Variants in SLC28A1 observed in about 807,000 individuals in gnomAD.
SLC28A1 encodes the protein sodium/nucleoside cotransporter 1.
SLC28A1 carries 64 observed loss-of-function variants against 74.8 expected under a neutral mutation model. The observed-to-expected ratio is 0.86, with a 90% CI of 0.70 to 1.05. SLC28A1 has a LOEUF of 1.05. SLC28A1 is among the 50% of genes least tolerant of loss of function. SLC28A1 has a pLI of 0.00. For synonymous variants in SLC28A1, 359 were observed against 335.0 expected, an observed-to-expected ratio of 1.07 and a Z score of -0.78; for missense variants, 828 against 822.8, an observed-to-expected ratio of 1.01 and a Z score of -0.08.
chr15:84,887,930 G>A, intron 3 of SLC28A1, 74 bp downstream of exon 3: 1 of 1,094,450 alleles, frequency 9.1e-7, no homozygotes. Flanking sequence ...GAGGTGATGA[G>A]GCTTTTGCTC....
chr15:84,894,378 A>AAG (rs1195445418), intron 5 of SLC28A1, among the ~76,000 whole-genome samples: 1 of 151,544 alleles, frequency 6.6e-6, no homozygotes, highest in Non-Finnish European at 1.5e-5. Flanking sequence ...TCTCCAAAAA[A>AAG]AAAAAAAAAA....
At position 84,884,726 on chromosome 15, in the gene SLC28A1, C is replaced by G. The variant is rs1291906287; in HGVS notation, c.-158C>G. On this transcript the variant is annotated 5_prime_UTR_variant, in exon 1 of 19. Transcript: ENST00000394573. ...GCTGGATGTGTTGTGTTCCTGGCTT[C>G]CCTCTGGATGCTGACAGAAACAAGG... 1.0e-6 allele frequency: 1 copy of G among 985,566 alleles called. No homozygotes were observed. The highest frequency in any genetic ancestry group is 1.2e-6 in the Non-Finnish European group (1 of 830,118). The allele number at this position is 985,566 out of a possible 1,614,324, so 61.1% of individuals were successfully genotyped here.
intron 7 of SLC28A1, among the ~76,000 whole-genome samples, chr15:84,905,279 C>A (rs1966913794): frequency 6.6e-6 from 1 of 152,198 alleles, no homozygotes; most frequent in Non-Finnish European, 1.5e-5. Context: ...CCATGGCATG[C>A]CCAAGGCTGG....
intron 7 of SLC28A1, 107 bp from the exon 8 acceptor site, chr15:84,905,432 C>T (rs2141781384): frequency 2.6e-6 from 2 of 780,550 alleles, no homozygotes; most frequent in African/African-American, 1.7e-5. Flanking sequence ...TGCCTGGCTC[C>T]AGCCCCATCC....
chr15:84,932,867 T>C (rs546924314), intron 12 of SLC28A1, among the ~76,000 whole-genome samples: 2 of 152,332 alleles, frequency 1.3e-5, no homozygotes, highest in East Asian at 3.9e-4. Flanking sequence ...ATTTAATCCT[T>C]TGGAGTCTCA....
chr15:84,921,120 A>C, intron 11 of SLC28A1, 51 bp downstream of exon 11: 1 of 1,391,170 alleles, frequency 7.2e-7, no homozygotes, highest in Non-Finnish European at 1.0e-6. Flanking sequence ...TTCCCCAAAG[A>C]GGGCAGTTTC....
intron 6 of SLC28A1, among the ~76,000 whole-genome samples, chr15:84,899,965 A>AAGGAAGGAAGGAAGGAAGGAAGGG (rs1966459159): frequency 7.0e-6 from 1 of 142,990 alleles, no homozygotes; most frequent in Non-Finnish European, 1.5e-5. Flanking sequence ...GGAAGGAAGG[A>AAGGAAGGAAGGAAGGAAGGAAGGG]AAGAAGGAAG....
chr15:84,911,828 C>A, intron 9 of SLC28A1, among the ~76,000 whole-genome samples: 1 of 136,980 alleles, frequency 7.3e-6, no homozygotes. Flanking sequence ...CACTGCACTC[C>A]AGGCCAGGCA....
intron 6 of SLC28A1, among the ~76,000 whole-genome samples, chr15:84,900,477 A>G (rs1966562410): frequency 6.6e-6 from 1 of 151,818 alleles, no homozygotes; most frequent in Non-Finnish European, 1.5e-5. Flanking sequence ...GAGAAGGAAA[A>G]TGCTACTAGA....
chr15:84,931,133 TG>T (rs964187519), intron 12 of SLC28A1, among the ~76,000 whole-genome samples: 5 of 151,684 alleles, frequency 3.3e-5, no homozygotes, highest in African/African-American at 1.2e-4. Context: ...CTCAAACTCC[TG>T]ACCTCAAGTG....
intron 12 of SLC28A1, among the ~76,000 whole-genome samples, chr15:84,926,364 ATTT>A (rs35383548): frequency 2.3e-5 from 3 of 130,366 alleles, no homozygotes; most frequent in Non-Finnish European, 3.2e-5. Context: ...ACCCCTGGCT[ATTT>A]TTTTTTTTTT....
At chr15:84,962,463 A>G in the SLC28A1 span, among the ~76,000 whole-genome samples, 9 of 150,028 alleles carry the variant, frequency 6.0e-5, no homozygotes, top group African/African-American at 1.2e-4. Context: ...TTTGAGATAG[A>G]GTCTTGCTCC....
chr15:84,959,065 A>T, the SLC28A1 span, among the ~76,000 whole-genome samples: 92 of 131,284 alleles, frequency 7.0e-4, no homozygotes, highest in Admixed American at 9.5e-4. Context: ...GCGCCATTGC[A>T]CTCCAGCCTG....
chr15:84,913,672 G>C (rs1459587011), intron 9 of SLC28A1, among the ~76,000 whole-genome samples: 1 of 152,244 alleles, frequency 6.6e-6, no homozygotes, highest in Non-Finnish European at 1.5e-5. Flanking sequence ...TATGGTACTA[G>C]CAGGACCAGC....
chr15:84,945,948 C>A (rs2079187814), downstream of SLC28A1, among the ~76,000 whole-genome samples: 2 of 150,142 alleles, frequency 1.3e-5, no homozygotes, highest in Non-Finnish European at 3.0e-5. Flanking sequence ...CAGCGTCAAC[C>A]TCTCAGGCTC....
At chr15:84,893,171 T>TCA (rs1263249094) in intron 5 of SLC28A1, among the ~76,000 whole-genome samples, 1 of 151,612 alleles carries the variant, frequency 6.6e-6, no homozygotes, top group African/African-American at 2.4e-5. Context: ...TGTGAGGCAC[T>TCA]CATCTCGGCT....
intron 5 of SLC28A1, among the ~76,000 whole-genome samples, chr15:84,894,735 T>C (rs1170242750): frequency 6.6e-6 from 1 of 152,210 alleles, no homozygotes; most frequent in East Asian, 1.9e-4. Flanking sequence ...TTCACAACAC[T>C]TTCTGCCAGT....
At chr15:84,955,126 GTCA>G in the SLC28A1 span, among the ~76,000 whole-genome samples, 1 of 152,198 alleles carries the variant, frequency 6.6e-6, no homozygotes, top group South Asian at 2.1e-4. Flanking sequence ...CAGCCTGCAA[GTCA>G]TCATAGCCCA....
chr15:84,906,512 G>GTTTCTTTCTTTCTTTC (rs1465366428), intron 8 of SLC28A1, among the ~76,000 whole-genome samples: 13 of 65,152 alleles, frequency 2.0e-4, no homozygotes, highest in African/African-American at 9.0e-4. Flanking sequence ...TTGTTTGTTT[G>GTTTCTTTCTTTCTTTC]TTTGTTTGTT....
Sources: allele counts gnomAD v4.1 joint callset (sites outside exome capture counted in the v4.1 genomes callset), GRCh38; gene constraint gnomAD v4.1.1; transcripts MANE v1.5; gene names NCBI Gene and HGNC (gene_info 2026-07-23, HGNC 2026-07-21).